The following RAB3IP variants were observed in gnomAD, a reference collection of about 807,000 sequenced individuals.
The protein encoded by RAB3IP is RAB3A interacting protein.
A neutral mutation model predicts 59.1 loss-of-function variants in RAB3IP; 36 were observed. The ratio of observed to expected loss-of-function variants is 0.61; its 90% CI spans 0.47 to 0.80. The LOEUF (loss-of-function observed/expected upper bound fraction) is 0.80. Ranked by LOEUF, RAB3IP falls within the 30% of genes least tolerant of loss-of-function variation. The pLI is 0.00. For synonymous variants in RAB3IP, 207 were observed against 191.2 expected (o/e 1.08, Z -0.68); for missense variants, 511 against 536.0 (o/e 0.95, Z 0.46).
intron 4 of RAB3IP, 43 bp downstream of exon 4, chr12:69,784,858 T>C (rs1367086420): frequency 9.0e-7 from 1 of 1,107,814 alleles, no homozygotes; most frequent in Non-Finnish European, 1.4e-6. Context: ...ATCTTGACTT[T>C]TATATATTGA....
rs1347763131 is a variant in RAB3IP at position 69,759,291 on chromosome 12, C to CAGG, written c.510+2629_510+2631dup. ...GACACAGCACATGTTTCAGAGAGCA[C>CAGG]AGGGTTGGGGGTAAGGTCATAGATC... On this transcript the variant is annotated intron_variant, in intron 3 of 10. Transcript: ENST00000247833. 4.0e-5 allele frequency among the ~76,000 whole-genome samples: 6 copies of CAGG among 150,854 alleles called. 1 individual carries two copies. In the South Asian group the frequency reaches 6.3e-4, roughly 16 times the overall value.
intron 1 of RAB3IP, chr12:69,739,721 G>C: frequency 1.1e-6 from 1 of 922,418 alleles, no homozygotes; most frequent in South Asian, 1.4e-5. Flanking sequence ...GCACGGGTGG[G>C]ATTGCATGGC....
chr12:69,770,400 T>C (rs1261429293), intron 3 of RAB3IP, among the ~76,000 whole-genome samples: 1 of 152,222 alleles, frequency 6.6e-6, no homozygotes, highest in African/African-American at 2.4e-5. Context: ...ACATTACTTA[T>C]AATACCTAAT....
At chr12:69,787,289 A>T (rs911079459) in intron 4 of RAB3IP, among the ~76,000 whole-genome samples, 6 of 152,194 alleles carry the variant, frequency 3.9e-5, no homozygotes, top group African/African-American at 9.6e-5. Flanking sequence ...CAATTTTGAG[A>T]TAATATAAAA....
At chr12:69,765,566 C>CTG (rs1164835012) in intron 3 of RAB3IP, among the ~76,000 whole-genome samples, 4 of 152,154 alleles carry the variant, frequency 2.6e-5, no homozygotes, top group Non-Finnish European at 5.9e-5. Flanking sequence ...ATTTTTGAAT[C>CTG]TGTGTTCACC....
At chr12:69,743,156 A>G (rs1246430104) in intron 1 of RAB3IP, among the ~76,000 whole-genome samples, 1 of 152,228 alleles carries the variant, frequency 6.6e-6, no homozygotes, top group African/African-American at 2.4e-5. Flanking sequence ...AAAGGAGCAT[A>G]TAGATGATAG....
chr12:69,795,721 A>T (rs1877333920), intron 6 of RAB3IP: 2 of 312,128 alleles, frequency 6.4e-6, no homozygotes, highest in Admixed American at 4.8e-5. Context: ...TTTCTTAAAG[A>T]TCAATACATT....
At chr12:69,794,578 A>G (rs866578089) in intron 5 of RAB3IP, 64 bp downstream of exon 5, 1 of 1,272,990 alleles carries the variant, frequency 7.9e-7, no homozygotes, top group Middle Eastern at 2.1e-4. Context: ...AAGATACCTT[A>G]ACATCTGTTG....
chr12:69,755,626 G>T lies in RAB3IP; in HGVS notation c.218G>T (p.Arg73Ile). 1 of 1,613,564 alleles carries T rather than the reference G, an allele frequency of 6.2e-7. No individual in the cohort carries two copies. Among genetic ancestry groups the T allele is most frequent in the South Asian group, 1.1e-5 (1 of 91,038 alleles). ...ACACAACCCGTGTATTCATCCCCCA[G>T]ACGTTTAAATTGTGCGGAAATATCT... ...LPTQPVYSSPRRLNCAEISSI... is the reference protein window; with the variant it reads ...LPTQPVYSSPIRLNCAEISSI... Residue 73 changes from arginine (R) to isoleucine (I), a missense_variant, in exon 2 of 11, where the codon AGA (arginine) becomes ATA (isoleucine). Coordinates refer to ENST00000247833, the MANE Select transcript of RAB3IP (RefSeq NM_022456.5).
At chr12:69,743,846 A>C (rs1190389783) in intron 1 of RAB3IP, among the ~76,000 whole-genome samples, 2 of 117,092 alleles carry the variant, frequency 1.7e-5, no homozygotes, top group Non-Finnish European at 3.3e-5. Flanking sequence ...TTTGCTATTC[A>C]TTCCTTCTCT....
intron 4 of RAB3IP, among the ~76,000 whole-genome samples, chr12:69,788,509 T>C (rs573139171): frequency 1.3e-5 from 2 of 152,242 alleles, no homozygotes; most frequent in Admixed American, 6.5e-5. Flanking sequence ...TGAAATGTTA[T>C]GTGGTGCATG....
chr12:69,786,407 A>T (rs1875652355), intron 4 of RAB3IP, among the ~76,000 whole-genome samples: 1 of 152,052 alleles, frequency 6.6e-6, no homozygotes, highest in South Asian at 2.1e-4. Context: ...TAATCTGTTT[A>T]TTTATTTAGC....
rs1327785424 is a variant in RAB3IP at position 69,815,692 on chromosome 12, A to C, written c.*246A>C. On this transcript the variant is annotated 3_prime_UTR_variant, in exon 11 of 11. Coordinates refer to ENST00000247833, the MANE Select transcript of RAB3IP (RefSeq NM_022456.5). ...ATGTAATTTATAGTTGCCAAAAAAA[A>C]AAAAAACCTGAAATAAATAAATGTT... is the stretch of plus-strand genomic sequence containing the variant. The C allele has an allele frequency of 3.5e-6, 1 of 284,984 alleles. No individual in the cohort carries two copies. The highest frequency in any genetic ancestry group is 6.5e-6 in the Non-Finnish European group (1 of 154,398). The allele number at this position is 284,984 out of a possible 1,614,324, so 17.7% of individuals were successfully genotyped here.
At chr12:69,812,642 A>G in intron 8 of RAB3IP, 136 bp from the exon 9 acceptor site, 1 of 628,456 alleles carries the variant, frequency 1.6e-6, no homozygotes, top group Non-Finnish European at 2.8e-6. Context: ...ACTTTAGCCC[A>G]GCATCTAGAA....
intron 4 of RAB3IP, among the ~76,000 whole-genome samples, chr12:69,785,525 A>G (rs1245367154): frequency 6.6e-6 from 1 of 152,200 alleles, no homozygotes; most frequent in African/African-American, 2.4e-5. Context: ...GTGCACTTCC[A>G]GTCCAACTTT....
intron 3 of RAB3IP, among the ~76,000 whole-genome samples, chr12:69,770,997 C>T (rs1409390241): frequency 6.6e-6 from 1 of 152,200 alleles, no homozygotes; most frequent in Non-Finnish European, 1.5e-5. Context: ...ACCAACCTCT[C>T]CTCATTCTAC....
At chr12:69,789,859 A>G (rs1042617118) in intron 4 of RAB3IP, among the ~76,000 whole-genome samples, 7 of 152,328 alleles carry the variant, frequency 4.6e-5, no homozygotes, top group African/African-American at 1.4e-4. Flanking sequence ...TAGAAGCAGA[A>G]AAAGCATTTG....
At chr12:69,746,526 G>T (rs866132948) in intron 1 of RAB3IP, among the ~76,000 whole-genome samples, 1 of 152,058 alleles carries the variant, frequency 6.6e-6, no homozygotes, top group Non-Finnish European at 1.5e-5. Flanking sequence ...GCCGTGGCTC[G>T]TAGAGGCTGT....
intron 4 of RAB3IP, among the ~76,000 whole-genome samples, chr12:69,787,057 C>A (rs530915507): frequency 6.6e-6 from 1 of 151,978 alleles, no homozygotes; most frequent in Admixed American, 6.6e-5. Context: ...TGAAAAGATT[C>A]TTTTTTTGCA....
Sources: allele counts gnomAD v4.1 joint callset (sites outside exome capture counted in the v4.1 genomes callset), GRCh38; gene constraint gnomAD v4.1.1; transcripts MANE v1.5; gene names NCBI Gene and HGNC (gene_info 2026-07-23, HGNC 2026-07-21).